Variants in MLXIP observed in about 807,000 individuals in gnomAD.
MLXIP encodes the protein MLX-interacting protein.
Under a neutral mutation model 87.2 loss-of-function variants are expected in MLXIP, and 30 were observed. The ratio of observed to expected loss-of-function variants is 0.34; its 90% CI spans 0.26 to 0.47. The LOEUF (loss-of-function observed/expected upper bound fraction) is 0.47. MLXIP is among the 20% of genes least tolerant of loss of function. The probability of loss-of-function intolerance (pLI) is 1.00; values close to 1 mark genes in which losing one functional copy is unlikely to be tolerated. For synonymous variants in MLXIP, 530 were observed against 514.0 expected (o/e 1.03, Z -0.42); for missense variants, 1,002 against 1,240.1 (o/e 0.81, Z 2.88).
chr12:122,114,979 T>C (rs1952666851), intron 1 of MLXIP, among the ~76,000 whole-genome samples: 2 of 151,812 alleles, frequency 1.3e-5, no homozygotes, highest in South Asian at 4.2e-4. Context: ...ACTCCTGACC[T>C]CAAATGATCC....
intron 1 of MLXIP, among the ~76,000 whole-genome samples, chr12:122,108,355 G>A (rs1201670307): frequency 1.6e-5 from 2 of 128,400 alleles, no homozygotes; most frequent in African/African-American, 3.1e-5. Flanking sequence ...GCGACAGAGC[G>A]AGACTCCATC....
intron 1 of MLXIP, among the ~76,000 whole-genome samples, chr12:122,098,473 A>G (rs1425007369): frequency 1.3e-5 from 2 of 152,156 alleles, no homozygotes; most frequent in Admixed American, 1.3e-4. Context: ...CACTGGAAAT[A>G]TATCAGTGAG....
intron 15 of MLXIP, chr12:122,139,139 C>T (rs538292757): frequency 8.2e-5 from 29 of 355,654 alleles, no homozygotes; most frequent in Middle Eastern, 1.4e-3. Flanking sequence ...GATGGGGCTT[C>T]AGGGTGCTTT....
intron 1 of MLXIP, among the ~76,000 whole-genome samples, chr12:122,108,551 G>A (rs1047350398): frequency 6.6e-6 from 1 of 151,890 alleles, no homozygotes; most frequent in Non-Finnish European, 1.5e-5. Flanking sequence ...TTCAAGTTTT[G>A]TTCATAATTA....
rs1953080725 is a variant in MLXIP, at chr12:122,135,806, A to G, written c.2032+140A>G. The G allele has an allele frequency of 9.6e-7, 1 of 1,042,772 alleles. No individual in the cohort carries two copies. Among genetic ancestry groups the G allele is most frequent in the African/African-American group, 1.6e-5 (1 of 60,874 alleles). 64.6% of individuals were successfully genotyped at this position (1,042,772 alleles called of 1,614,324 possible). A position where few individuals can be genotyped will look rare whatever the true frequency, so the allele number is the denominator to read the frequency against. ...ACAGTGAGGTCTTGTAGGCCTGCTGATAACACAGTCTGGGAACACGCTCTG... is the reference window on the plus strand; with the variant it reads ...ACAGTGAGGTCTTGTAGGCCTGCTGGTAACACAGTCTGGGAACACGCTCTG... On this transcript the variant is annotated intron_variant, in intron 11 of 16. Coordinates refer to ENST00000319080, the MANE Select transcript of MLXIP (RefSeq NM_014938.6). This position sits in a 1 kb window ranked among gnomAD's most constrained non-coding sequence, Gnocchi z 5.3.
Position 122,131,441 on chromosome 12 carries a change from C to CTTT in MLXIP, c.1000+531_1000+533dup, listed in dbSNP as rs1174308802. Among the ~76,000 whole-genome samples, 222 of 76,562 alleles carry CTTT rather than the reference C, an allele frequency of 2.9e-3. 16 individuals are homozygous for CTTT. The highest frequency in any genetic ancestry group is 4.6e-3 in the South Asian group (8 of 1,758). 50.2% of individuals were successfully genotyped at this position (76,562 alleles called of 152,430 possible). Reference sequence around the variant, plus strand: ...GGTTTAGTCCTTGATTTGTTTGAGTCTTTTTTTTTTTTTTTTTTTTTTTTT... The same window carrying CTTT: ...GGTTTAGTCCTTGATTTGTTTGAGTCTTTTTTTTTTTTTTTTTTTTTTTTTTTT... On this transcript the variant is annotated intron_variant, in intron 7 of 16. Transcript: ENST00000319080.
chr12:122,142,010 G>A lies in MLXIP; in HGVS notation c.*198G>A, dbSNP rs1265279458. On this transcript the variant is annotated 3_prime_UTR_variant, in exon 17 of 17. Transcript: ENST00000319080. ...CTGCTGACAGCAATAGCCCGCCTTTGGGAACCCCTTGCTGTGAACTCTCTC... is the reference window on the plus strand; with the variant it reads ...CTGCTGACAGCAATAGCCCGCCTTTAGGAACCCCTTGCTGTGAACTCTCTC... 1 of 752,912 alleles carries A rather than the reference G, an allele frequency of 1.3e-6. No individual in the cohort carries two copies. The highest frequency in any genetic ancestry group is 2.2e-6 in the Non-Finnish European group (1 of 464,962). The allele number at this position is 752,912 out of a possible 1,614,324, so 46.6% of individuals were successfully genotyped here.
At chr12:122,122,683 A>G (rs1952802674) in intron 1 of MLXIP, among the ~76,000 whole-genome samples, 1 of 151,770 alleles carries the variant, frequency 6.6e-6, no homozygotes, top group East Asian at 1.9e-4. Context: ...CTGGGAGTAC[A>G]GGCGCCCGCC....
chr12:122,095,950 C>T (rs1309843080), intron 1 of MLXIP, among the ~76,000 whole-genome samples: 3 of 151,972 alleles, frequency 2.0e-5, no homozygotes, highest in African/African-American at 7.3e-5. Flanking sequence ...CTGCAACCTC[C>T]GCCTCCCTGG....
At position 122,142,702 on chromosome 12, in the gene MLXIP, G is replaced by GA. The variant is rs1382426912; in HGVS notation, c.*893dup. 3 of 185,204 alleles carry GA rather than the reference G, an allele frequency of 1.6e-5. No homozygotes were observed. The highest frequency in any genetic ancestry group is 7.0e-5 in the African/African-American group (3 of 42,620). 11.5% of individuals were successfully genotyped at this position (185,204 alleles called of 1,614,324 possible). Reference sequence around the variant, plus strand: ...TTAGAACCCTGAAGTTCTAGTGTCTGAAAGATCAGACTCCACGTCCTGCTG... The same window carrying GA: ...TTAGAACCCTGAAGTTCTAGTGTCTGAAAAGATCAGACTCCACGTCCTGCTG... On this transcript the variant is annotated 3_prime_UTR_variant, in exon 17 of 17. Coordinates refer to ENST00000319080, the MANE Select transcript of MLXIP (RefSeq NM_014938.6).
chr12:122,107,521 C>G (rs1188967289), intron 1 of MLXIP, among the ~76,000 whole-genome samples: 1 of 152,214 alleles, frequency 6.6e-6, no homozygotes. Flanking sequence ...TGGGAAGCAT[C>G]AGCTGAATGT....
At chr12:122,110,981 G>T (rs917014186) in intron 1 of MLXIP, among the ~76,000 whole-genome samples, 2 of 151,044 alleles carry the variant, frequency 1.3e-5, no homozygotes, top group African/African-American at 4.9e-5. Flanking sequence ...GGAGGCTGAG[G>T]CAGGAGAATG....
chr12:122,143,751 C>T lies in MLXIP; in HGVS notation c.*1939C>T, dbSNP rs1047125550. 3.9e-5 allele frequency: 6 copies of T among 152,226 alleles called. No individual in the cohort carries two copies. Among genetic ancestry groups the T allele is most frequent in the African/African-American group, 1.4e-4 (6 of 41,444 alleles). 9.4% of individuals were successfully genotyped at this position (152,226 alleles called of 1,614,324 possible). On this transcript the variant is annotated 3_prime_UTR_variant, in exon 17 of 17. Coordinates refer to ENST00000319080, the MANE Select transcript of MLXIP (RefSeq NM_014938.6). ...TCCTAAATCAGTGGCTTTCTCCCCA[C>T]CCCTTGCTGGGGAGTCATTTTTAAA...
chr12:122,099,901 A>G (rs543198697), intron 1 of MLXIP, among the ~76,000 whole-genome samples: 27 of 152,308 alleles, frequency 1.8e-4, no homozygotes, highest in East Asian at 7.7e-4. Flanking sequence ...GATGGAGACT[A>G]CATTTCCTCC....
chr12:122,100,360 AT>A (rs1952418633), intron 1 of MLXIP, among the ~76,000 whole-genome samples: 1 of 152,218 alleles, frequency 6.6e-6, no homozygotes, highest in Non-Finnish European at 1.5e-5. Context: ...TTCCTTTGAT[AT>A]TAACCAGTTT....
At position 122,142,588 on chromosome 12, in the gene MLXIP, T is replaced by G. The variant is rs1173509147; in HGVS notation, c.*776T>G. ...GGACTCAGCCCAGGGCCTTCTCGGA[T>G]GTCACCTCACCGCTGTGGCCCTTCT... On this transcript the variant is annotated 3_prime_UTR_variant, in exon 17 of 17. Transcript: ENST00000319080. 1 of 318,640 alleles carries G rather than the reference T, an allele frequency of 3.1e-6. No homozygotes were observed. The highest frequency in any genetic ancestry group is 2.2e-5 in the African/African-American group (1 of 46,242). The allele number at this position is 318,640 out of a possible 1,614,324, so 19.7% of individuals were successfully genotyped here.
chr12:122,114,758 T>TTGG lies in MLXIP; in HGVS notation c.414-12498_414-12497insTGG, dbSNP rs558128728. Among the ~76,000 whole-genome samples, 25 of 135,256 alleles carry TTGG rather than the reference T, an allele frequency of 1.8e-4. 1 individual carries two copies. Among genetic ancestry groups the TTGG allele is most frequent in the African/African-American group, 3.8e-4 (14 of 36,478 alleles). 88.7% of individuals were successfully genotyped at this position (135,256 alleles called of 152,430 possible). A position where few individuals can be genotyped will look rare whatever the true frequency, so the allele number is the denominator to read the frequency against. ...ACTTCTTTTTTTTTTTTTTTTTTGG[T>TTGG]GGGGGGGGACAGGGTCTCACTCTGT... On this transcript the variant is annotated intron_variant, in intron 1 of 16. Transcript: ENST00000319080.
chr12:122,130,383 T>C (rs1348741045), intron 6 of MLXIP, among the ~76,000 whole-genome samples: 2 of 151,984 alleles, frequency 1.3e-5, no homozygotes. Context: ...GTCTGAGTCA[T>C]TGGCACATTT....
chr12:122,119,116 C>T (rs1007715164), intron 1 of MLXIP, among the ~76,000 whole-genome samples: 4 of 151,320 alleles, frequency 2.6e-5, no homozygotes, highest in Non-Finnish European at 2.9e-5. Flanking sequence ...TGCAGTGAGC[C>T]GAGATCGCGC....
Sources: gnomAD v4.1 joint callset for allele counts (sites outside exome capture counted in the v4.1 genomes callset) on GRCh38, gnomAD v4.1.1 for gene constraint, Gnocchi (gnomAD v3.1) non-coding constraint, MANE v1.5 for transcripts, NCBI Gene and HGNC (gene_info 2026-07-23, HGNC 2026-07-21) for gene names.